The following KDM4B variants were observed in gnomAD, a reference collection of about 807,000 sequenced individuals.
KDM4B encodes the protein lysine-specific demethylase 4B.
In KDM4B, 32 loss-of-function variants were observed where a neutral mutation model predicts 125.2. The ratio of observed to expected loss-of-function variants is 0.26; its 90% confidence interval spans 0.19 to 0.34. The LOEUF (loss-of-function observed/expected upper bound fraction) is 0.34, where lower values mean the gene tolerates loss of function less well. Ranked by LOEUF, KDM4B falls within the 10% of genes least tolerant of loss-of-function variation. The pLI, the probability that KDM4B is intolerant of heterozygous loss-of-function variation, is 1.00. For synonymous variants in KDM4B, 721 were observed against 677.9 expected (o/e 1.06, Z -0.99); for missense variants, 1,190 against 1,577.7 (o/e 0.75, Z 4.16).
intron 18 of KDM4B, among the ~76,000 whole-genome samples, chr19:5,143,359 A>T (rs2039779385): frequency 6.6e-6 from 1 of 152,044 alleles, no homozygotes; most frequent in South Asian, 2.1e-4. Context: ...ACCATTCTAA[A>T]GTGTGCCACT....
chr19:5,136,562 TG>T (rs1440227036), intron 15 of KDM4B, among the ~76,000 whole-genome samples: 3 of 152,016 alleles, frequency 2.0e-5, no homozygotes, highest in Non-Finnish European at 4.4e-5. Flanking sequence ...ATGGGCTCCC[TG>T]GGGGAAGGGT....
intron 10 of KDM4B, 65 bp downstream of exon 10, chr19:5,110,883 C>A: frequency 7.3e-7 from 1 of 1,370,854 alleles, no homozygotes; most frequent in Non-Finnish European, 9.7e-7. Flanking sequence ...GCTGGGTGGC[C>A]CAGGCCCCTT....
chr19:5,131,225 G>C lies in KDM4B; in HGVS notation c.1465G>C (p.Val489Leu). 1 of 1,607,120 alleles carries C rather than the reference G, an allele frequency of 6.2e-7. No individual in the cohort carries two copies. The highest frequency in any genetic ancestry group is 1.1e-5 in the South Asian group (1 of 90,412). Residue 489 changes from valine (V) to leucine (L), a missense_variant, in exon 12 of 23, where the codon GTG (valine) becomes CTG (leucine). Physicochemically the swap from Val to Leu is conservative, Grantham distance 32. Coordinates refer to ENST00000159111, the MANE Select transcript of KDM4B (RefSeq NM_015015.3). ...LWLPSPLEPPVLGPGPAAMEE... is the reference protein window; with the variant it reads ...LWLPSPLEPPLLGPGPAAMEE... ...GCTGCCATCCCCACTGGAGCCCCCG[G>C]TGCTGGGCCCAGGCCCTGCAGCCAT...
chr19:5,128,865 G>T (rs1244945088), intron 11 of KDM4B, among the ~76,000 whole-genome samples: 8 of 150,258 alleles, frequency 5.3e-5, no homozygotes, highest in Admixed American at 4.6e-4. Context: ...GGGGGCGGGG[G>T]GGGGGGTCAT....
rs772465678 is a variant in KDM4B, at chr19:5,110,685, G to A, written c.982G>A (p.Glu328Lys). 5.0e-6 allele frequency: 8 copies of A among 1,613,028 alleles called. No homozygotes were observed. Among genetic ancestry groups the A allele is most frequent in the South Asian group, 2.2e-5 (2 of 91,078 alleles). ...CGTGTTCGTGCGCATCCTGCAGCCC[G>A]AGCGCTACGAGCTGTGGAAGCAGGG... ...MDVFVRILQP[E>K]RYELWKQGKD... Residue 328 changes from glutamate to lysine, a missense_variant, in exon 10 of 23, where the codon GAG becomes AAG. Glu to Lys is a moderately conservative substitution (Grantham distance 56). Transcript: ENST00000159111.
In KDM4B at chr19:5,067,840, G is replaced by T. The variant is rs2037822318; in HGVS notation, c.627-3170G>T. Among the ~76,000 whole-genome samples the T allele has an allele frequency of 2.0e-5, 3 of 152,162 alleles. No homozygotes were observed. In the South Asian group the frequency reaches 6.2e-4, roughly 32 times the overall value. On this transcript the variant is annotated intron_variant, in intron 6 of 22. Coordinates refer to ENST00000159111, the MANE Select transcript of KDM4B (RefSeq NM_015015.3). ...ACCCCGTGCCACCCGGGCACACAGG[G>T]CTGTCGTGTCTAGAAAGAGATCTCC...
intron 21 of KDM4B, among the ~76,000 whole-genome samples, chr19:5,149,392 A>G (rs552249290): frequency 1.3e-5 from 2 of 152,356 alleles, no homozygotes; most frequent in East Asian, 3.9e-4. Flanking sequence ...GTGCAGTGAC[A>G]TAATTAGAGC....
chr19:4,993,140 G>C (rs1405212072), intron 1 of KDM4B, among the ~76,000 whole-genome samples: 3 of 152,062 alleles, frequency 2.0e-5, no homozygotes, highest in Non-Finnish European at 4.4e-5. Context: ...CCGGGCATGG[G>C]GGCTCATGCC....
chr19:5,069,138 G>A (rs1206185515), intron 6 of KDM4B, among the ~76,000 whole-genome samples: 1 of 152,200 alleles, frequency 6.6e-6, no homozygotes, highest in Non-Finnish European at 1.5e-5. Flanking sequence ...TGTCTAGACA[G>A]TGGAAGACTC....
At chr19:5,094,523 T>A (rs2038778818) in intron 9 of KDM4B, among the ~76,000 whole-genome samples, 1 of 151,324 alleles carries the variant, frequency 6.6e-6, no homozygotes. Flanking sequence ...CCGGCGTGGA[T>A]GGCCGCCGTC....
intron 1 of KDM4B, among the ~76,000 whole-genome samples, chr19:5,008,591 C>CTTTTTTTTTTTTTTTT (rs550611814): frequency 1.5e-5 from 2 of 135,550 alleles, no homozygotes; most frequent in Non-Finnish European, 3.2e-5. Context: ...TTTTCTTTTT[C>CTTTTTTTTTTTTTTTT]TTTTTTTTTT....
At chr19:4,993,197 G>T (rs2035082603) in intron 1 of KDM4B, among the ~76,000 whole-genome samples, 1 of 152,118 alleles carries the variant, frequency 6.6e-6, no homozygotes, top group Non-Finnish European at 1.5e-5. Flanking sequence ...ATCACCTGAG[G>T]TCAGCAGTTT....
intron 5 of KDM4B, among the ~76,000 whole-genome samples, chr19:5,042,108 G>A (rs1240821832): frequency 6.6e-6 from 1 of 152,184 alleles, no homozygotes; most frequent in East Asian, 1.9e-4. Context: ...AGAGTATTTC[G>A]AATTTGAGAT....
At chr19:5,030,888 C>T (rs1452396642) in intron 2 of KDM4B, among the ~76,000 whole-genome samples, 7 of 152,252 alleles carry the variant, frequency 4.6e-5, no homozygotes, top group Non-Finnish European at 8.8e-5. Context: ...CAGGGATGGC[C>T]TCAGGCCTTT....
intron 1 of KDM4B, among the ~76,000 whole-genome samples, chr19:4,987,596 C>A (rs1274853666): frequency 2.0e-5 from 3 of 152,146 alleles, no homozygotes; most frequent in African/African-American, 2.4e-5. Flanking sequence ...TAGGCTGATA[C>A]CCTTTGGATT....
In KDM4B at chr19:5,060,011, C is replaced by T. The variant is rs147999241; in HGVS notation, c.627-10999C>T. ...AGCAGCTTCTCGAATTCTCTGCTGC[C>T]TCCTCCCCACAGCCTTCCAGGGCCT... On this transcript the variant is annotated intron_variant, in intron 6 of 22. Transcript: ENST00000159111. 1.6e-3 allele frequency among the ~76,000 whole-genome samples: 244 copies of T among 152,336 alleles called. 3 individuals carry two copies. Among genetic ancestry groups the T allele is most frequent in the African/African-American group, 5.7e-3 (235 of 41,578 alleles).
At chr19:5,130,471 G>A (rs923460645) in intron 11 of KDM4B, among the ~76,000 whole-genome samples, 3 of 152,212 alleles carry the variant, frequency 2.0e-5, no homozygotes, top group South Asian at 4.1e-4. Context: ...AGTTCCACGC[G>A]GAAGGGTGTC....
In KDM4B at chr19:5,144,092, G is replaced by A. The variant is rs761493536; in HGVS notation, c.2676G>A (p.Pro892=). ...CAHAAGVLME[P]DDWPYVVSIT... is the part of the protein sequence containing the mutation. ...ACGCCGCAGGCGTGCTCATGGAGCC[G>A]GACGACTGGCCCTATGTGGTCTCCA... The change falls in exon 19 of 23, where the codon CCG becomes CCA. Residue 892 remains proline (P), a synonymous_variant. Transcript: ENST00000159111. 3.1e-6 allele frequency: 5 copies of A among 1,604,956 alleles called. No individual in the cohort carries two copies. Among genetic ancestry groups the A allele is most frequent in the East Asian group, 2.2e-5 (1 of 44,526 alleles).
At chr19:5,013,709 C>T (rs1599413819) in intron 1 of KDM4B, among the ~76,000 whole-genome samples, 1 of 152,344 alleles carries the variant, frequency 6.6e-6, no homozygotes, top group South Asian at 2.1e-4. Context: ...CATTCCGCCT[C>T]CCGGATCATC....
Sources: gnomAD v4.1 joint callset for allele counts (sites outside exome capture counted in the v4.1 genomes callset) on GRCh38, gnomAD v4.1.1 for gene constraint, MANE v1.5 for transcripts, NCBI Gene and HGNC (gene_info 2026-07-23, HGNC 2026-07-21) for gene names.